Variants in TMX4 observed in about 807,000 individuals in gnomAD.
The protein encoded by TMX4 is thioredoxin-related transmembrane protein 4.
TMX4 carries 23 observed loss-of-function variants against 33.3 expected under a neutral mutation model. That is an observed-to-expected ratio of 0.69 (90% CI 0.50 to 0.98). TMX4 has a LOEUF of 0.98. TMX4 is among the 50% of genes least tolerant of loss of function. TMX4 has a pLI of 0.00. For missense variants in TMX4, 399 were observed against 448.9 expected, an observed-to-expected ratio of 0.89 and a Z score of 1.01; for synonymous variants, 164 against 161.5, an observed-to-expected ratio of 1.02 and a Z score of -0.12.
intron 1 of TMX4, among the ~76,000 whole-genome samples, chr20:8,012,171 C>G (rs1337342208): frequency 6.6e-6 from 1 of 152,062 alleles, no homozygotes; most frequent in African/African-American, 2.4e-5. Flanking sequence ...GATAAGAGTT[C>G]TGCTATAACA....
At chr20:8,018,528 G>GAGAGAC (rs1568541378) in intron 1 of TMX4, among the ~76,000 whole-genome samples, 1 of 41,986 alleles carries the variant, frequency 2.4e-5, no homozygotes, top group African/African-American at 3.3e-4. Context: ...GAGAGAGAGA[G>GAGAGAC]TCTGCAAGCC....
At chr20:8,011,126 C>A (rs1277945028) in intron 1 of TMX4, among the ~76,000 whole-genome samples, 1 of 151,978 alleles carries the variant, frequency 6.6e-6, no homozygotes, top group Non-Finnish European at 1.5e-5. Context: ...GAGAAATATA[C>A]CAACTTGTGG....
intron 1 of TMX4, among the ~76,000 whole-genome samples, chr20:8,015,774 G>C (rs957541185): frequency 4.6e-5 from 7 of 152,124 alleles, no homozygotes; most frequent in Non-Finnish European, 8.8e-5. Flanking sequence ...CTAAAACCTA[G>C]ATGTCCTATG....
At chr20:8,014,546 G>A (rs2050764824) in intron 1 of TMX4, among the ~76,000 whole-genome samples, 1 of 152,092 alleles carries the variant, frequency 6.6e-6, no homozygotes. Flanking sequence ...TTACTTAAAA[G>A]CTTATAATAG....
At chr20:7,994,493 T>C (rs2050667825) in intron 5 of TMX4, among the ~76,000 whole-genome samples, 1 of 152,230 alleles carries the variant, frequency 6.6e-6, no homozygotes, top group Non-Finnish European at 1.5e-5. Context: ...AACTTGTTTG[T>C]CTAAGCTCCA....
At position 7,978,754 on chromosome 20, in the gene TMX4, G is replaced by A. The variant is rs955438931; in HGVS notation, c.*3497C>T. 1.9e-4 allele frequency: 29 copies of A among 152,198 alleles called. No homozygotes were observed. Among genetic ancestry groups the A allele is most frequent in the African/African-American group, 6.8e-4 (28 of 41,446 alleles). The allele number at this position is 152,198 out of a possible 1,614,324, so 9.4% of individuals were successfully genotyped here. A position where few individuals can be genotyped will look rare whatever the true frequency, so the allele number is the denominator to read the frequency against. On this transcript the variant is annotated 3_prime_UTR_variant, in exon 8 of 8. Transcript: ENST00000246024. ...GGCCCTGTCCCTCATCCCATCCAAT[G>A]ACTATACTTCAAAGGGAAAGAAAGA...
At chr20:8,008,215 T>G (rs1200218857) in intron 2 of TMX4, among the ~76,000 whole-genome samples, 2 of 152,178 alleles carry the variant, frequency 1.3e-5, no homozygotes, top group African/African-American at 4.8e-5. Flanking sequence ...TTTTTATTTA[T>G]GAGTTGCACT....
intron 4 of TMX4, 23 bp downstream of exon 4, chr20:7,999,709 C>T (rs1395903357): frequency 2.5e-6 from 4 of 1,605,032 alleles, no homozygotes; most frequent in Non-Finnish European, 3.4e-6. Flanking sequence ...TTAGTAACAC[C>T]TTGTCTTAAA....
At chr20:8,011,571 C>T (rs760215031) in intron 1 of TMX4, among the ~76,000 whole-genome samples, 6 of 151,730 alleles carry the variant, frequency 4.0e-5, no homozygotes, top group South Asian at 2.1e-4. Context: ...TTTGATCTTT[C>T]GCATTATAAA....
intron 4 of TMX4, among the ~76,000 whole-genome samples, chr20:7,996,299 C>G (rs905037606): frequency 3.9e-4 from 59 of 152,060 alleles, no homozygotes; most frequent in Non-Finnish European, 3.8e-4. Context: ...ATTGTGCCTA[C>G]CCGGCAAAAA....
rs369835504 is a variant in TMX4, at chr20:7,982,136, T to A, written c.*115A>T. ...CATGAGACCAAATGACTAGAGAGCA[T>A]CTTTTAAGAGAAGCTTGCTCATTCA... On this transcript the variant is annotated 3_prime_UTR_variant, in exon 8 of 8. Transcript: ENST00000246024. The A allele has an allele frequency of 9.6e-5, 105 of 1,094,110 alleles. No individual in the cohort carries two copies. In the African/African-American group the frequency reaches 1.6e-3, roughly 16 times the overall value. 67.8% of individuals were successfully genotyped at this position (1,094,110 alleles called of 1,614,324 possible). A position where few individuals can be genotyped will look rare whatever the true frequency, so the allele number is the denominator to read the frequency against.
intron 2 of TMX4, among the ~76,000 whole-genome samples, chr20:8,002,020 T>G (rs759231417): frequency 2.6e-4 from 39 of 152,270 alleles, no homozygotes; most frequent in Non-Finnish European, 4.1e-4. Flanking sequence ...GTTATCAGTT[T>G]AAAAAGAATA....
At chr20:7,983,043 G>A (rs942140219) in intron 7 of TMX4, among the ~76,000 whole-genome samples, 4 of 152,148 alleles carry the variant, frequency 2.6e-5, no homozygotes, top group Non-Finnish European at 4.4e-5. Context: ...GAGAAAATGC[G>A]CAAGGACTAT....
chr20:7,990,385 T>G (rs1013772491), intron 5 of TMX4, among the ~76,000 whole-genome samples: 1 of 144,018 alleles, frequency 6.9e-6, no homozygotes, highest in Non-Finnish European at 1.5e-5. Context: ...AGTACATGAT[T>G]AAGTTAGAGC....
At chr20:8,018,647 C>T (rs1465118537) in intron 1 of TMX4, 1 of 167,040 alleles carries the variant, frequency 6.0e-6, no homozygotes, top group Non-Finnish European at 1.3e-5. Flanking sequence ...CAACAAATCC[C>T]TTTCTTTCTC....
chr20:7,980,005 G>A lies in TMX4; in HGVS notation c.*2246C>T, dbSNP rs753624091. The A allele has an allele frequency of 6.6e-6, 1 of 152,056 alleles. No homozygotes were observed. The highest frequency in any genetic ancestry group is 1.5e-5 in the Non-Finnish European group (1 of 68,016). 9.4% of individuals were successfully genotyped at this position (152,056 alleles called of 1,614,324 possible). ...TTGGGCATGGAACAAAGTTTTGATT[G>A]CACTGTAACTGCCACCTGTCAAATG... On this transcript the variant is annotated 3_prime_UTR_variant, in exon 8 of 8. Coordinates refer to ENST00000246024, the MANE Select transcript of TMX4 (RefSeq NM_021156.4).
At chr20:8,017,560 A>G (rs1465827047) in intron 1 of TMX4, among the ~76,000 whole-genome samples, 1 of 152,240 alleles carries the variant, frequency 6.6e-6, no homozygotes, top group African/African-American at 2.4e-5. Flanking sequence ...ACCAAAAAAA[A>G]AGCAATTCCA....
chr20:8,001,645 G>A, intron 2 of TMX4, 104 bp from the exon 3 acceptor site: 2 of 1,102,824 alleles, frequency 1.8e-6, no homozygotes, highest in South Asian at 3.0e-5. Context: ...TGCAATTGTT[G>A]ACTCACATTT....
chr20:7,983,296 T>C (rs1002134434), intron 7 of TMX4, among the ~76,000 whole-genome samples: 36 of 152,224 alleles, frequency 2.4e-4, no homozygotes, highest in African/African-American at 8.2e-4. Context: ...CATGAGCTTA[T>C]TTAAACTCCC....
Sources: gnomAD v4.1 joint callset for allele counts (sites outside exome capture counted in the v4.1 genomes callset) on GRCh38, gnomAD v4.1.1 for gene constraint, MANE v1.5 for transcripts, NCBI Gene and HGNC (gene_info 2026-07-23, HGNC 2026-07-21) for gene names.